Variants in CGNL1 observed in about 807,000 individuals in gnomAD.
The protein encoded by CGNL1 is cingulin like 1, also known as cingulin-like protein 1.
A neutral mutation model predicts 141.2 loss-of-function variants in CGNL1; 132 were observed. The ratio of observed to expected loss-of-function variants is 0.93; its 90% CI spans 0.81 to 1.08. The LOEUF (loss-of-function observed/expected upper bound fraction) is 1.08, where lower values mean the gene tolerates loss of function less well. Among genes scored for constraint, CGNL1 ranks in the 50% least tolerant of loss-of-function variants. The probability of loss-of-function intolerance (pLI) is 0.00; values close to 1 mark genes in which losing one functional copy is unlikely to be tolerated. For missense variants in CGNL1, 1,870 were observed against 1,588.6 expected, an observed-to-expected ratio of 1.18 and a Z score of -3.01; for synonymous variants, 690 against 622.1, an observed-to-expected ratio of 1.11 and a Z score of -1.63.
chr15:57,397,701 C>G (rs995695180), intron 1 of CGNL1, among the ~76,000 whole-genome samples: 6 of 151,860 alleles, frequency 4.0e-5, no homozygotes, highest in Non-Finnish European at 8.8e-5. Flanking sequence ...ATGTGACGAG[C>G]CTTTTTTCTT....
intron 4 of CGNL1, 88 bp downstream of exon 4, chr15:57,442,566 ATAGCAG>A (rs1309860183): frequency 2.5e-6 from 2 of 798,798 alleles, no homozygotes; most frequent in Non-Finnish European, 4.2e-6. Flanking sequence ...ATGTTTGTTT[ATAGCAG>A]TAAGTGGGAA....
At chr15:57,495,358 C>A (rs1447819063) in intron 8 of CGNL1, among the ~76,000 whole-genome samples, 2 of 152,172 alleles carry the variant, frequency 1.3e-5, no homozygotes, top group Non-Finnish European at 2.9e-5. Context: ...GGAACCTCTG[C>A]CAGCTCTGAG....
chr15:57,479,315 G>A (rs1427579161), intron 8 of CGNL1, among the ~76,000 whole-genome samples: 1 of 152,220 alleles, frequency 6.6e-6, no homozygotes, highest in Non-Finnish European at 1.5e-5. Context: ...AGGAGCTAGA[G>A]GGAAGAGGCC....
At chr15:57,480,311 A>G (rs558902429) in intron 8 of CGNL1, among the ~76,000 whole-genome samples, 1 of 132,600 alleles carries the variant, frequency 7.5e-6, no homozygotes, top group East Asian at 2.6e-4. Context: ...TGAGGTCAGG[A>G]GTTTGAGACC....
At chr15:57,388,940 C>T (rs2062513212) in intron 1 of CGNL1, among the ~76,000 whole-genome samples, 1 of 152,090 alleles carries the variant, frequency 6.6e-6, no homozygotes, top group Admixed American at 6.6e-5. Flanking sequence ...TTCCATTGTC[C>T]TTTAGAGGAG....
intron 12 of CGNL1, among the ~76,000 whole-genome samples, chr15:57,526,031 C>A (rs115962915): frequency 6.6e-6 from 1 of 152,118 alleles, no homozygotes; most frequent in African/African-American, 2.4e-5. Flanking sequence ...CTTCCCGTTG[C>A]GTTTTATATA....
At position 57,378,363 on chromosome 15, in the gene CGNL1, G is replaced by GTTTTTTTTT. The variant is rs71116514; in HGVS notation, c.-16+1823_-16+1831dup. 1.4e-3 allele frequency among the ~76,000 whole-genome samples: 48 copies of GTTTTTTTTT among 33,934 alleles called. 7 individuals are homozygous for GTTTTTTTTT. Among genetic ancestry groups the GTTTTTTTTT allele is most frequent in the Non-Finnish European group, 1.9e-3 (35 of 18,100 alleles). The allele number at this position is 33,934 out of a possible 152,430, so 22.3% of individuals were successfully genotyped here. A position where few individuals can be genotyped will look rare whatever the true frequency, so the allele number is the denominator to read the frequency against. On this transcript the variant is annotated intron_variant, in intron 1 of 18. Transcript: ENST00000281282. ...TTTCTTAGGGGGTGGCCCTCTATGTGTTTTTTTTTTTTTTTTTTTTTTTTT... is the reference window on the plus strand; with the variant it reads ...TTTCTTAGGGGGTGGCCCTCTATGTGTTTTTTTTTTTTTTTTTTTTTTTTTTTTTTTTTT...
At chr15:57,453,591 A>G in intron 6 of CGNL1, 92 bp from the exon 7 acceptor site, 1 of 1,501,068 alleles carries the variant, frequency 6.7e-7, no homozygotes, top group Non-Finnish European at 9.0e-7. Context: ...GGCTTTAGAG[A>G]CTTGTGTAAC....
At chr15:57,381,461 C>T (rs1241619170) in intron 1 of CGNL1, among the ~76,000 whole-genome samples, 1 of 151,998 alleles carries the variant, frequency 6.6e-6, no homozygotes, top group Non-Finnish European at 1.5e-5. Flanking sequence ...CTCTGGAGGT[C>T]GAGATGGGAG....
At chr15:57,529,474 C>T (rs1272524561) in intron 13 of CGNL1, among the ~76,000 whole-genome samples, 1 of 151,906 alleles carries the variant, frequency 6.6e-6, no homozygotes, top group Non-Finnish European at 1.5e-5. Flanking sequence ...GAACAGTTCA[C>T]TGAGGTTGAC....
rs1227663247 is a variant in CGNL1, at chr15:57,524,651, A to T, written c.2939A>T (p.Glu980Val). The stretch of plus-strand genomic sequence containing the variant: ...CAGAACCAGCTGGATGAGTATAAGG[A>T]GAAAAACCGCAGGGAGCTCGCAGAA... The part of the protein sequence containing the change: ...ELQNQLDEYK[E>V]KNRRELAEMQ... Residue 980 changes from glutamate (E) to valine (V), a missense_variant, in exon 12 of 19, where the codon GAG (glutamate) becomes GTG (valine). Transcript: ENST00000281282. 2 of 1,614,068 alleles carry T rather than the reference A, an allele frequency of 1.2e-6. No homozygotes were observed. The highest frequency in any genetic ancestry group is 4.5e-5 in the East Asian group (2 of 44,898).
At chr15:57,527,745 C>T (rs1194825761) in intron 12 of CGNL1, 1 of 152,214 alleles carries the variant, frequency 6.6e-6, no homozygotes, top group Admixed American at 6.5e-5. Flanking sequence ...TCATGTTCTT[C>T]TACAAAGCAG....
intron 8 of CGNL1, among the ~76,000 whole-genome samples, chr15:57,498,444 A>T (rs1163423404): frequency 6.6e-6 from 1 of 151,896 alleles, no homozygotes; most frequent in South Asian, 2.1e-4. Context: ...GGCTTAAGTG[A>T]TCCATCCACC....
chr15:57,451,405 A>G (rs16977508), intron 4 of CGNL1, 95 bp from the exon 5 acceptor site: 36,834 of 838,684 alleles, frequency 0.044, 1,575 homozygotes, highest in East Asian at 0.18. Context: ...GTTATGCCTC[A>G]TCTGTTACTG....
chr15:57,388,714 C>T (rs2062510424), intron 1 of CGNL1, among the ~76,000 whole-genome samples: 1 of 152,206 alleles, frequency 6.6e-6, no homozygotes, highest in South Asian at 2.1e-4. Context: ...AAACATGACT[C>T]GCAGATGGAG....
intron 16 of CGNL1, 141 bp downstream of exon 16, chr15:57,544,738 A>G (rs1226286702): frequency 2.9e-6 from 3 of 1,034,934 alleles, no homozygotes; most frequent in Non-Finnish European, 4.1e-6. Flanking sequence ...TACTTTTATT[A>G]TTTCCATTTT....
intron 7 of CGNL1, among the ~76,000 whole-genome samples, chr15:57,460,475 C>T (rs1350134501): frequency 2.0e-5 from 3 of 152,146 alleles, no homozygotes; most frequent in African/African-American, 7.2e-5. Flanking sequence ...TGTATTAGTC[C>T]ATTCTCACAC....
chr15:57,544,050 C>T (rs1314668796), intron 15 of CGNL1, among the ~76,000 whole-genome samples: 2 of 152,154 alleles, frequency 1.3e-5, no homozygotes, highest in Non-Finnish European at 2.9e-5. Flanking sequence ...AAAGAATCCA[C>T]GTCATCAAAC....
intron 8 of CGNL1, among the ~76,000 whole-genome samples, chr15:57,510,185 C>G (rs1229226035): frequency 6.6e-6 from 1 of 152,194 alleles, no homozygotes; most frequent in Non-Finnish European, 1.5e-5. Flanking sequence ...TTTTGGGAAG[C>G]AGATGTGAGT....
Sources: allele counts gnomAD v4.1 joint callset (sites outside exome capture counted in the v4.1 genomes callset), GRCh38; gene constraint gnomAD v4.1.1; transcripts MANE v1.5; gene names NCBI Gene and HGNC (gene_info 2026-07-23, HGNC 2026-07-21).